Variants in PDSS2 observed in about 807,000 individuals in gnomAD.
The protein encoded by PDSS2 is decaprenyl diphosphate synthase subunit 2, also known as all trans-polyprenyl-diphosphate synthase PDSS2.
PDSS2 carries 31 observed loss-of-function variants against 44.5 expected under a neutral mutation model. That is an observed-to-expected ratio of 0.70 (90% CI 0.52 to 0.94). PDSS2 has a LOEUF of 0.94. Among genes scored for constraint, PDSS2 ranks in the 40% least tolerant of loss-of-function variants. The pLI, the probability that PDSS2 is intolerant of heterozygous loss-of-function variation, is 0.00. For synonymous variants in PDSS2, 157 were observed against 180.3 expected (o/e 0.87, Z 1.03); for missense variants, 452 against 482.2 (o/e 0.94, Z 0.59).
At chr6:107,157,786 T>A (rs1168525033) in intron 7 of PDSS2, among the ~76,000 whole-genome samples, 2 of 151,874 alleles carry the variant, frequency 1.3e-5, no homozygotes, top group Non-Finnish European at 2.9e-5. Flanking sequence ...TTCTCCTGCC[T>A]CAGCCTCCCA....
At chr6:107,209,711 C>T in intron 6 of PDSS2, among the ~76,000 whole-genome samples, 1 of 151,984 alleles carries the variant, frequency 6.6e-6, no homozygotes, top group Non-Finnish European at 1.5e-5. Flanking sequence ...AGCCACTGCG[C>T]CCACCCATGC....
At chr6:107,156,710 T>C (rs1016594311) in intron 7 of PDSS2, among the ~76,000 whole-genome samples, 10 of 152,142 alleles carry the variant, frequency 6.6e-5, no homozygotes, top group African/African-American at 2.4e-4. Context: ...CTTAGAGAGC[T>C]TTCCCTCTTG....
intron 2 of PDSS2, among the ~76,000 whole-genome samples, chr6:107,305,294 C>T (rs73511148): frequency 0.02 from 2,970 of 152,144 alleles, 101 homozygotes; most frequent in African/African-American, 0.069. Flanking sequence ...TTCTGAGTCC[C>T]GGTCCCCCTC....
At chr6:107,440,305 A>T (rs1285175273) in intron 1 of PDSS2, among the ~76,000 whole-genome samples, 1 of 152,188 alleles carries the variant, frequency 6.6e-6, no homozygotes, top group Non-Finnish European at 1.5e-5. Context: ...GTGATATTCC[A>T]CTTAGTGCCA....
chr6:107,200,447 T>C (rs1772730245), intron 6 of PDSS2, among the ~76,000 whole-genome samples: 1 of 152,200 alleles, frequency 6.6e-6, no homozygotes. Flanking sequence ...AGATTCTCCA[T>C]AGCCTACCCC....
chr6:107,320,961 CTG>C (rs1440669948), intron 2 of PDSS2, among the ~76,000 whole-genome samples: 3 of 152,170 alleles, frequency 2.0e-5, no homozygotes, highest in Admixed American at 2.0e-4. Context: ...AAACTCAACT[CTG>C]TGATTTTCTT....
chr6:107,330,026 G>A (rs1777664888), intron 2 of PDSS2, among the ~76,000 whole-genome samples: 1 of 150,996 alleles, frequency 6.6e-6, no homozygotes, highest in South Asian at 2.1e-4. Flanking sequence ...AAGGAAAAAG[G>A]TAACATTTGC....
At chr6:107,204,675 G>C (rs185628935) in intron 6 of PDSS2, among the ~76,000 whole-genome samples, 1 of 151,958 alleles carries the variant, frequency 6.6e-6, no homozygotes, top group African/African-American at 2.4e-5. Flanking sequence ...TATTAATACC[G>C]ACTTCATAAA....
chr6:107,418,488 T>C (rs1780731212), intron 1 of PDSS2, among the ~76,000 whole-genome samples: 1 of 152,122 alleles, frequency 6.6e-6, no homozygotes, highest in Non-Finnish European at 1.5e-5. Context: ...GTTGTGTTGT[T>C]TGGTTGGGTG....
Position 107,193,839 on chromosome 6 carries a change from T to C in PDSS2, c.1024A>G (p.Arg342Gly). The change falls in exon 7 of 8, where the codon AGA becomes GGA. Residue 342 changes from arginine to glycine, a missense_variant. Physicochemically the swap from Arg to Gly is moderately radical, Grantham distance 125. Coordinates refer to ENST00000369037, the MANE Select transcript of PDSS2 (RefSeq NM_020381.4). Reference sequence around the variant, plus strand: ...CTGCCTACCTTAGCATAGTCCAATCTTCCTTTTTCTTGAGCCTACAAAAGA... The same window carrying C: ...CTGCCTACCTTAGCATAGTCCAATCCTCCTTTTTCTTGAGCCTACAAAAGA... ...KQIGEAQEKG[R>G]LDYAKLRERI... The C allele has an allele frequency of 6.4e-7, 1 of 1,567,140 alleles. No homozygotes were observed. The highest frequency in any genetic ancestry group is 8.8e-7 in the Non-Finnish European group (1 of 1,137,152).
At chr6:107,257,881 T>C (rs987065218) in intron 3 of PDSS2, among the ~76,000 whole-genome samples, 1 of 152,174 alleles carries the variant, frequency 6.6e-6, no homozygotes, top group Non-Finnish European at 1.5e-5. Flanking sequence ...CCTCCCAAAG[T>C]GCTGGGATTA....
At chr6:107,159,810 G>A (rs572823834) in intron 7 of PDSS2, among the ~76,000 whole-genome samples, 3 of 152,160 alleles carry the variant, frequency 2.0e-5, no homozygotes, top group Admixed American at 2.0e-4. Context: ...AGCACCTTTA[G>A]GTATGTAAAT....
rs374338065 is a variant in PDSS2 at position 107,398,711 on chromosome 6, G to C, written c.296+60279C>G. On this transcript the variant is annotated intron_variant, in intron 1 of 7. Coordinates refer to ENST00000369037, the MANE Select transcript of PDSS2 (RefSeq NM_020381.4). ...AGTCTGCGAATTTCAGGCTCCCTTA[G>C]ATTTCCATCTGTCAAACCAGCCCAT... Among the ~76,000 whole-genome samples, 63 of 152,302 alleles carry C rather than the reference G, an allele frequency of 4.1e-4. No individual in the cohort carries two copies. In the South Asian group the frequency reaches 0.012, roughly 29 times the overall value.
At chr6:107,279,893 G>T (rs118115061) in intron 2 of PDSS2, among the ~76,000 whole-genome samples, 2,258 of 152,234 alleles carry the variant, frequency 0.015, 32 homozygotes, top group Middle Eastern at 0.044. Context: ...AGCATTGACA[G>T]TATGAAAAAA....
intron 1 of PDSS2, among the ~76,000 whole-genome samples, chr6:107,425,526 T>C (rs948560533): frequency 1.3e-5 from 2 of 152,130 alleles, no homozygotes; most frequent in Non-Finnish European, 2.9e-5. Context: ...AACTGTGAAC[T>C]AGAGAGAGAT....
At chr6:107,428,022 T>G (rs1781059643) in intron 1 of PDSS2, among the ~76,000 whole-genome samples, 1 of 152,246 alleles carries the variant, frequency 6.6e-6, no homozygotes, top group African/African-American at 2.4e-5. Context: ...GAATTTGTTC[T>G]GAAATTCTAT....
chr6:107,444,789 G>A (rs1444786514), intron 1 of PDSS2, among the ~76,000 whole-genome samples: 2 of 152,094 alleles, frequency 1.3e-5, no homozygotes, highest in African/African-American at 2.4e-5. Flanking sequence ...TAACAGTAGT[G>A]AACTCAGGAA....
intron 1 of PDSS2, among the ~76,000 whole-genome samples, chr6:107,371,185 T>TA (rs35313213): frequency 4.7e-5 from 7 of 148,912 alleles, no homozygotes; most frequent in African/African-American, 1.7e-4. Context: ...TGTCTCAAAG[T>TA]AAAAAAAAAA....
At chr6:107,252,896 A>G (rs1294641840) in intron 3 of PDSS2, among the ~76,000 whole-genome samples, 1 of 152,246 alleles carries the variant, frequency 6.6e-6, no homozygotes, top group South Asian at 2.1e-4. Flanking sequence ...CATTTCATGA[A>G]CAGTTTGATA....
Sources: gnomAD v4.1 joint callset for allele counts (sites outside exome capture counted in the v4.1 genomes callset) on GRCh38, gnomAD v4.1.1 for gene constraint, MANE v1.5 for transcripts, NCBI Gene and HGNC (gene_info 2026-07-23, HGNC 2026-07-21) for gene names.